The following DIDO1 variants were observed in gnomAD, a reference collection of about 807,000 sequenced individuals.
DIDO1 encodes the protein death inducer-obliterator 1, also known as death-inducer obliterator 1.
DIDO1 carries 16 observed loss-of-function variants against 99.4 expected under a neutral mutation model. That is an observed-to-expected ratio of 0.16 (90% confidence interval 0.11 to 0.24). The LOEUF is 0.24. Ranked by LOEUF, DIDO1 falls within the 10% of genes least tolerant of loss-of-function variation. The pLI is 1.00. For synonymous variants in DIDO1, 1,366 were observed against 1,239.1 expected (o/e 1.10, Z -2.15); for missense variants, 2,996 against 3,014.0 (o/e 0.99, Z 0.14).
intron 12 of DIDO1, 138 bp downstream of exon 12, chr20:62,893,528 G>A (rs2064443115): frequency 9.5e-7 from 1 of 1,055,578 alleles, no homozygotes; most frequent in African/African-American, 1.6e-5. Flanking sequence ...CTACAACTGG[G>A]GCTTTTTAAA....
intron 1 of DIDO1, among the ~76,000 whole-genome samples, chr20:62,922,686 G>C (rs1345081510): frequency 6.6e-6 from 1 of 152,244 alleles, no homozygotes; most frequent in Non-Finnish European, 1.5e-5. Flanking sequence ...CGGCAAGTGT[G>C]CAACAGACGG....
At chr20:62,884,461 T>C (rs1285601065) in intron 15 of DIDO1, among the ~76,000 whole-genome samples, 1 of 152,242 alleles carries the variant, frequency 6.6e-6, no homozygotes. Flanking sequence ...TTAACGTGAC[T>C]GTGGTATACA....
At chr20:62,901,852 A>G (rs1245434533) in intron 6 of DIDO1, among the ~76,000 whole-genome samples, 3 of 151,652 alleles carry the variant, frequency 2.0e-5, no homozygotes, top group Non-Finnish European at 4.4e-5. Flanking sequence ...TTATTTTACA[A>G]CTTTATACAA....
At chr20:62,934,785 C>T (rs1223138939) in intron 1 of DIDO1, among the ~76,000 whole-genome samples, 2 of 152,304 alleles carry the variant, frequency 1.3e-5, no homozygotes, top group South Asian at 2.1e-4. Flanking sequence ...ACTTCCCTGC[C>T]GCCTGGAAAC....
At chr20:62,902,227 C>T (rs1257935685) in intron 6 of DIDO1, among the ~76,000 whole-genome samples, 1 of 152,118 alleles carries the variant, frequency 6.6e-6, no homozygotes, top group Admixed American at 6.5e-5. Context: ...GTAATTTTCT[C>T]AATGGCAGGC....
Position 62,877,987 on chromosome 20 carries a change from T to C in DIDO1, c.*1246A>G, listed in dbSNP as rs1385804224. The C allele has an allele frequency of 6.6e-6, 1 of 152,204 alleles. No individual in the cohort carries two copies. The highest frequency in any genetic ancestry group is 1.5e-5 in the Non-Finnish European group (1 of 68,044). 9.4% of individuals were successfully genotyped at this position (152,204 alleles called of 1,614,324 possible). A position where few individuals can be genotyped will look rare whatever the true frequency, so the allele number is the denominator to read the frequency against. On this transcript the variant is annotated 3_prime_UTR_variant, in exon 16 of 16. Transcript: ENST00000395343. ...GAACGTGACACCTACTTTAATGTAA[T>C]TTAACCTATGGACACTTGGCTTTCA...
At chr20:62,932,578 A>C (rs2065342501) in intron 1 of DIDO1, among the ~76,000 whole-genome samples, 1 of 152,230 alleles carries the variant, frequency 6.6e-6, no homozygotes, top group South Asian at 2.1e-4. Flanking sequence ...ATTGCTACTC[A>C]AAATACTCTT....
In DIDO1 at chr20:62,882,071, T is replaced by C; in HGVS notation, c.3885A>G (p.Ala1295=). The stretch of plus-strand genomic sequence containing the variant: ...CGGTGGAGGAAGCTGCCGTGGAGGC[T>C]GCCGCTGCTGTTGTGGCTGCTGTGG... ...SPATAATTAA[A]ASTAASSTAS... Residue 1295 remains alanine, a synonymous_variant, in exon 16 of 16, where the codon GCA becomes GCG. Transcript: ENST00000395343. The C allele has an allele frequency of 6.2e-7, 1 of 1,613,640 alleles. No individual in the cohort carries two copies. The highest frequency in any genetic ancestry group is 8.5e-7 in the Non-Finnish European group (1 of 1,180,036).
chr20:62,922,113 CACACACACACACATATATACATATAT>C (rs1462086806), intron 1 of DIDO1, among the ~76,000 whole-genome samples: 1 of 124,636 alleles, frequency 8.0e-6, no homozygotes, highest in Admixed American at 7.7e-5. Flanking sequence ...TATATATACA[CACACACACACACATATATACATATAT>C]ACACACACAC....
chr20:62,895,270 A>T, intron 8 of DIDO1, 105 bp from the exon 9 acceptor site: 2 of 1,058,098 alleles, frequency 1.9e-6, no homozygotes, highest in Non-Finnish European at 2.8e-6. Flanking sequence ...GGCACAGGAC[A>T]AAGGCCCTCA....
At chr20:62,930,218 C>CAAAA (rs11477620), upstream of DIDO1, among the ~76,000 whole-genome samples, 2 of 140,498 alleles carry the variant, frequency 1.4e-5, no homozygotes. Context: ...AACAAACAAA[C>CAAAA]AAAAAAAAAA....
chr20:62,890,153 C>G, intron 15 of DIDO1: 1 of 985,848 alleles, frequency 1.0e-6, no homozygotes, highest in Middle Eastern at 5.2e-4. Flanking sequence ...GCCTTTATGA[C>G]GAAGCACTTC....
At chr20:62,927,109 G>A (rs1231412453), upstream of DIDO1, among the ~76,000 whole-genome samples, 1 of 152,124 alleles carries the variant, frequency 6.6e-6, no homozygotes, top group African/African-American at 2.4e-5. Context: ...CAGGAGCGTG[G>A]GGGTGGGGGG....
In DIDO1 at chr20:62,881,900, G is replaced by C; in HGVS notation, c.4056C>G (p.Asp1352Glu). 6.2e-7 allele frequency: 1 copy of C among 1,613,472 alleles called. No individual in the cohort carries two copies. The highest frequency in any genetic ancestry group is 1.1e-5 in the South Asian group (1 of 91,086). ...CTAACAACGGAGGTGCCGGCACCCC[G>C]TCCTCTGCTGTGGTTTTGGGCTCCT... ...LPQEPKTTAE[D>E]GVPAPPLLDP... The change falls in exon 16 of 16, where the codon GAC becomes GAG. Residue 1352 changes from aspartate (D) to glutamate (E), a missense_variant. Asp to Glu is a conservative substitution (Grantham distance 45). Coordinates refer to ENST00000395343, the MANE Select transcript of DIDO1 (RefSeq NM_001193369.2). The surrounding 1 kb of genome is among the most constrained non-coding windows in gnomAD (Gnocchi z 8.3).
chr20:62,933,028 C>G (rs745745754), intron 1 of DIDO1, among the ~76,000 whole-genome samples: 54 of 152,208 alleles, frequency 3.5e-4, no homozygotes, highest in Non-Finnish European at 7.1e-4. Context: ...GCCTGACCAA[C>G]ATGAAGAAAC....
intron 4 of DIDO1, among the ~76,000 whole-genome samples, chr20:62,907,877 G>A (rs891853796): frequency 1.3e-5 from 2 of 152,236 alleles, no homozygotes; most frequent in African/African-American, 4.8e-5. Context: ...AGGATCTGAG[G>A]GCAAGGCTGC....
rs759522122 is a variant in DIDO1, at chr20:62,896,770, C to T, written c.1815G>A (p.Ser605=). 3.1e-6 allele frequency: 5 copies of T among 1,613,746 alleles called. No individual in the cohort carries two copies. Among genetic ancestry groups the T allele is most frequent in the Non-Finnish European group, 4.2e-6 (5 of 1,179,886 alleles). The change falls in exon 7 of 16, where the codon TCG becomes TCA. Residue 605 remains serine, a synonymous_variant. Transcript: ENST00000395343. The surrounding 1 kb of genome is among the most constrained non-coding windows in gnomAD (Gnocchi z 4.4). ...CCTGCCTGGCAGCTGAAGCACCACT[C>T]GATGGGGTAGCGGAGAGCCATGGCC... ...PKRPWLSATP[S]SGASAARQAG...
chr20:62,918,854 A>G (rs1394476679), intron 1 of DIDO1, among the ~76,000 whole-genome samples: 1 of 152,212 alleles, frequency 6.6e-6, no homozygotes, highest in East Asian at 1.9e-4. Flanking sequence ...GCAACTGAGA[A>G]GACACTAGGT....
chr20:62,922,079 T>C (rs1180123306), intron 1 of DIDO1, among the ~76,000 whole-genome samples: 1 of 144,014 alleles, frequency 6.9e-6, no homozygotes, highest in Non-Finnish European at 1.5e-5. Context: ...ATATACACTA[T>C]ATACACACTA....
Sources: allele counts gnomAD v4.1 joint callset (sites outside exome capture counted in the v4.1 genomes callset), GRCh38; gene constraint gnomAD v4.1.1; non-coding constraint Gnocchi (gnomAD v3.1); transcripts MANE v1.5; gene names NCBI Gene and HGNC (gene_info 2026-07-23, HGNC 2026-07-21).